ZNF69: variants seen among roughly 807,000 people sequenced by gnomAD.
ZNF69 encodes zinc finger protein 69.
Under a neutral mutation model 50.9 loss-of-function variants are expected in ZNF69, and 47 were observed. That is an observed-to-expected ratio of 0.92 (90% CI 0.73 to 1.18). The LOEUF (loss-of-function observed/expected upper bound fraction) is 1.18, where lower values mean the gene tolerates loss of function less well. Ranked by LOEUF, ZNF69 falls within the 50% of genes most tolerant of loss-of-function variation. The pLI is 0.00. For synonymous variants in ZNF69, 216 were observed against 223.1 expected (o/e 0.97, Z 0.29); for missense variants, 717 against 675.1 (o/e 1.06, Z -0.69).
At chr19:11,925,088 A>C in the ZNF69 span, 1 of 1,123,058 alleles carries the variant, frequency 8.9e-7, no homozygotes, top group South Asian at 1.3e-5. Flanking sequence ...GTTCATCCGG[A>C]AATGGAGGGG....
the ZNF69 span, chr19:11,948,761 G>A: frequency 5.0e-6 from 8 of 1,611,536 alleles, no homozygotes; most frequent in Middle Eastern, 1.7e-4. Flanking sequence ...ACTCACACTG[G>A]AGAGAAACCA....
the ZNF69 span, chr19:11,949,768 C>T: frequency 6.2e-7 from 1 of 1,614,016 alleles, no homozygotes; most frequent in South Asian, 1.1e-5. Flanking sequence ...CCTTCGAATG[C>T]ATGAAAGGAC....
chr19:11,947,012 T>A, the ZNF69 span: 1 of 1,172,740 alleles, frequency 8.5e-7, no homozygotes, highest in South Asian at 2.1e-5. Context: ...ATAAATAAAT[T>A]GCTTTATGGA....
chr19:11,950,937 G>A, the ZNF69 span, among the ~76,000 whole-genome samples: 1 of 152,174 alleles, frequency 6.6e-6, no homozygotes, highest in Admixed American at 6.5e-5. Flanking sequence ...CGGATCACGA[G>A]GTGAAGAGAT....
Position 11,905,649 on chromosome 19 carries a change from T to G in ZNF69, c.1252T>G (p.Cys418Gly). The change falls in exon 4 of 4, where the codon TGT (cysteine) becomes GGT (glycine). Residue 418 changes from cysteine to glycine, a missense_variant. By Grantham distance (159) the Cys-to-Gly change is radical. Coordinates refer to ENST00000429654, the MANE Select transcript of ZNF69 (RefSeq NM_001364730.1). ...RIHTGEKPYE[C>G]KQCGKAFRSS... ...TCACACTGGAGAGAAACCCTATGAG[T>G]GTAAGCAATGTGGGAAGGCCTTCAG... The G allele has an allele frequency of 6.2e-7, 1 of 1,613,760 alleles. No homozygotes were observed. Among genetic ancestry groups the G allele is most frequent in the Non-Finnish European group, 8.5e-7 (1 of 1,179,976 alleles).
the ZNF69 span, among the ~76,000 whole-genome samples, chr19:11,963,021 A>G: frequency 6.6e-6 from 1 of 151,004 alleles, no homozygotes; most frequent in South Asian, 2.1e-4. Context: ...ACCACCTGTT[A>G]TGTTTTACAA....
At chr19:11,947,916 G>A in the ZNF69 span, among the ~76,000 whole-genome samples, 1 of 152,168 alleles carries the variant, frequency 6.6e-6, no homozygotes, top group Non-Finnish European at 1.5e-5. Flanking sequence ...GCGAAGGCAG[G>A]AGGATCACTC....
chr19:11,953,093 TAAAA>T, the ZNF69 span: 1 of 151,930 alleles, frequency 6.6e-6, no homozygotes, highest in Admixed American at 6.6e-5. Flanking sequence ...CAAAAAAAAT[TAAAA>T]AAGAGTTGGG....
chr19:11,906,271 C>A lies in ZNF69; in HGVS notation c.*173C>A. 2 of 1,460,370 alleles carry A rather than the reference C, an allele frequency of 1.4e-6. No homozygotes were observed. Among genetic ancestry groups the A allele is most frequent in the African/African-American group, 1.4e-5 (1 of 70,498 alleles). 90.5% of individuals were successfully genotyped at this position (1,460,370 alleles called of 1,614,324 possible). A position where few individuals can be genotyped will look rare whatever the true frequency, so the allele number is the denominator to read the frequency against. On this transcript the variant is annotated 3_prime_UTR_variant, in exon 4 of 4. Transcript: ENST00000429654. Reference sequence around the variant, plus strand: ...GCATTCTGGATAGCTGAACAAAAGGCAGCAGAAACTTCTGCAGACTTAAAT... The same window carrying A: ...GCATTCTGGATAGCTGAACAAAAGGAAGCAGAAACTTCTGCAGACTTAAAT...
the ZNF69 span, chr19:11,948,483 A>C: frequency 6.2e-7 from 1 of 1,614,156 alleles, no homozygotes; most frequent in Non-Finnish European, 8.5e-7. Context: ...GACACAAGGC[A>C]TATGAGTATC....
the ZNF69 span, among the ~76,000 whole-genome samples, chr19:11,934,719 G>T: frequency 2.7e-5 from 4 of 147,146 alleles, 1 homozygote; most frequent in African/African-American, 5.4e-5. Context: ...TAGAGATGAG[G>T]TTTTACCATG....
the ZNF69 span, among the ~76,000 whole-genome samples, chr19:11,928,717 G>T: frequency 7.3e-6 from 1 of 136,878 alleles, no homozygotes; most frequent in Non-Finnish European, 1.5e-5. Flanking sequence ...GGGCGACAGA[G>T]CGAGACTCCG....
chr19:11,956,134 C>T, the ZNF69 span, among the ~76,000 whole-genome samples: 1 of 152,086 alleles, frequency 6.6e-6, no homozygotes, highest in African/African-American at 2.4e-5. Context: ...GCATATATTT[C>T]AATGATTTCA....
chr19:11,939,085 C>T, the ZNF69 span, among the ~76,000 whole-genome samples: 1 of 152,012 alleles, frequency 6.6e-6, no homozygotes, highest in Non-Finnish European at 1.5e-5. Flanking sequence ...TTGATTTTTT[C>T]TTGTAAATTT....
the ZNF69 span, chr19:11,947,465 T>C: frequency 5.4e-5 from 86 of 1,603,844 alleles, no homozygotes; most frequent in South Asian, 8.8e-4. Flanking sequence ...AATAATTTTT[T>C]CACAATTTTA....
the ZNF69 span, chr19:11,949,235 C>G: frequency 6.2e-7 from 1 of 1,613,640 alleles, no homozygotes. Flanking sequence ...CTTTCCAGTT[C>G]CTTTCGATAT....
the ZNF69 span, among the ~76,000 whole-genome samples, chr19:11,964,808 T>C: frequency 4.6e-5 from 7 of 152,184 alleles, no homozygotes; most frequent in African/African-American, 1.7e-4. Context: ...CTTATATCTG[T>C]AGCAAGTCTG....
the ZNF69 span, among the ~76,000 whole-genome samples, chr19:11,920,420 T>A: frequency 2.6e-5 from 4 of 152,164 alleles, no homozygotes; most frequent in African/African-American, 9.6e-5. Flanking sequence ...CCCTGTTTTA[T>A]GTATATAAAT....
At chr19:11,965,684 C>G in the ZNF69 span, among the ~76,000 whole-genome samples, 1 of 152,198 alleles carries the variant, frequency 6.6e-6, no homozygotes, top group East Asian at 1.9e-4. Context: ...CCAGTCCTGG[C>G]TTGTGGTTTG....
Sources: allele counts gnomAD v4.1 joint callset (sites outside exome capture counted in the v4.1 genomes callset), GRCh38; gene constraint gnomAD v4.1.1; transcripts MANE v1.5; gene names NCBI Gene and HGNC (gene_info 2026-07-23, HGNC 2026-07-21).